The following ESCO1 variants were observed in gnomAD, a reference collection of about 807,000 sequenced individuals.
The protein encoded by ESCO1 is N-acetyltransferase ESCO1.
In ESCO1, 33 loss-of-function variants were observed where a neutral mutation model predicts 83.5. That is an observed-to-expected ratio of 0.40 (90% CI 0.30 to 0.53). ESCO1 has a LOEUF of 0.53. ESCO1 is among the 20% of genes least tolerant of loss of function. The pLI is 0.63. For missense variants in ESCO1, 855 were observed against 968.0 expected (o/e 0.88, Z 1.55); for synonymous variants, 332 against 324.3 (o/e 1.02, Z -0.25).
chr18:21,583,137 G>A (rs1162254670), intron 2 of ESCO1, among the ~76,000 whole-genome samples: 2 of 151,702 alleles, frequency 1.3e-5, no homozygotes, highest in Non-Finnish European at 2.9e-5. Flanking sequence ...AGCCGAAATC[G>A]TGCCACTGTA....
intron 1 of ESCO1, among the ~76,000 whole-genome samples, chr18:21,584,710 T>C (rs2038549664): frequency 6.6e-6 from 1 of 152,006 alleles, no homozygotes; most frequent in Non-Finnish European, 1.5e-5. Context: ...TCCCAGCTAC[T>C]TCGGAGGCTG....
intron 6 of ESCO1, among the ~76,000 whole-genome samples, chr18:21,565,789 T>A (rs2063000): frequency 0.48 from 73,590 of 151,866 alleles, 21,252 homozygotes; most frequent in Non-Finnish European, 0.65. Flanking sequence ...GAATTTTTTT[T>A]AATTATCCAG....
chr18:21,530,507 G>A lies in ESCO1; in HGVS notation c.2376-17C>T, dbSNP rs930101471. ...AAGTTACTCCTATTAAAAAAAAATG[G>A]GGGGGGGGAAGGGTTAAGTGTGAAA... On this transcript the variant is annotated splice_polypyrimidine_tract_variant and intron_variant, in intron 11 of 11. Coordinates refer to ENST00000269214, the MANE Select transcript of ESCO1 (RefSeq NM_052911.3). The A allele has an allele frequency of 8.6e-7, 1 of 1,156,112 alleles. No individual in the cohort carries two copies. The highest frequency in any genetic ancestry group is 1.1e-6 in the Non-Finnish European group (1 of 908,514). 71.6% of individuals were successfully genotyped at this position (1,156,112 alleles called of 1,614,324 possible).
chr18:21,539,981 T>C lies in ESCO1; in HGVS notation c.1982A>G (p.Glu661Gly). The C allele has an allele frequency of 6.2e-7, 1 of 1,613,170 alleles. No homozygotes were observed. The highest frequency in any genetic ancestry group is 8.5e-7 in the Non-Finnish European group (1 of 1,179,698). Residue 661 changes from glutamate (E) to glycine (G), a missense_variant, in exon 9 of 12, where the codon GAA becomes GGA. Transcript: ENST00000269214. Reference protein sequence around the residue: ...VGWKKERILAEYPDGRIIMVL... With the variant: ...VGWKKERILAGYPDGRIIMVL... ...CATTATTATCCTGCCATCAGGGTAT[T>C]CAGCCAGAATTCTTTCTTTCTTCCA...
intron 9 of ESCO1, among the ~76,000 whole-genome samples, chr18:21,539,358 AATT>A (rs1416177234): frequency 1.3e-5 from 2 of 152,140 alleles, no homozygotes; most frequent in Non-Finnish European, 2.9e-5. Context: ...TTGGCACTCA[AATT>A]ATTAACTACT....
intron 8 of ESCO1, 53 bp downstream of exon 8, chr18:21,560,806 G>A: frequency 1.3e-6 from 2 of 1,580,888 alleles, no homozygotes; most frequent in Non-Finnish European, 1.7e-6. Context: ...CTCATTAAGA[G>A]ACCGACCTAA....
intron 9 of ESCO1, among the ~76,000 whole-genome samples, chr18:21,538,726 T>TA (rs1447401904): frequency 6.6e-6 from 1 of 152,126 alleles, no homozygotes; most frequent in Non-Finnish European, 1.5e-5. Context: ...AAAAGTATAA[T>TA]AAACTGTTTT....
intron 11 of ESCO1, among the ~76,000 whole-genome samples, chr18:21,531,929 A>T (rs1047253525): frequency 3.3e-5 from 5 of 150,360 alleles, no homozygotes; most frequent in African/African-American, 4.9e-5. Context: ...GGCTGACCTA[A>T]AAACCTCTTT....
At chr18:21,531,679 T>C (rs893303366) in intron 11 of ESCO1, among the ~76,000 whole-genome samples, 1 of 151,296 alleles carries the variant, frequency 6.6e-6, no homozygotes, top group Non-Finnish European at 1.5e-5. Flanking sequence ...ATTGGCCAGA[T>C]GCAGTGGCTC....
At chr18:21,537,378 TTG>T (rs956313875) in intron 9 of ESCO1, among the ~76,000 whole-genome samples, 2 of 152,040 alleles carry the variant, frequency 1.3e-5, no homozygotes, top group African/African-American at 4.8e-5. Context: ...CTTTACAAAA[TTG>T]TTTTATTAGC....
At chr18:21,551,374 T>C (rs1015022608) in intron 8 of ESCO1, among the ~76,000 whole-genome samples, 13 of 151,754 alleles carry the variant, frequency 8.6e-5, no homozygotes, top group Non-Finnish European at 1.9e-4. Flanking sequence ...GAGCTTGTAG[T>C]GAGCCGAGAT....
chr18:21,557,010 TCTTC>T (rs1397183270), intron 8 of ESCO1, among the ~76,000 whole-genome samples: 2 of 152,232 alleles, frequency 1.3e-5, no homozygotes, highest in Non-Finnish European at 2.9e-5. Context: ...GTCGACTCTT[TCTTC>T]AAAGTTTCTC....
At chr18:21,541,506 T>C (rs947289325) in intron 8 of ESCO1, among the ~76,000 whole-genome samples, 4 of 150,000 alleles carry the variant, frequency 2.7e-5, no homozygotes, top group Admixed American at 6.7e-5. Flanking sequence ...GGCAGGAGAA[T>C]TGCTTGAACT....
chr18:21,530,884 G>A (rs2037759025), intron 11 of ESCO1, among the ~76,000 whole-genome samples: 1 of 152,096 alleles, frequency 6.6e-6, no homozygotes, highest in Non-Finnish European at 1.5e-5. Flanking sequence ...TTGTATTGGA[G>A]GTTCTCGTCA....
chr18:21,578,942 C>A (rs1568109348), intron 2 of ESCO1, among the ~76,000 whole-genome samples: 3 of 152,106 alleles, frequency 2.0e-5, no homozygotes. Flanking sequence ...CTCACTGCAA[C>A]CTCCACCTCC....
At chr18:21,563,930 AAAAAG>A (rs1404321647) in intron 7 of ESCO1, among the ~76,000 whole-genome samples, 1 of 151,280 alleles carries the variant, frequency 6.6e-6, no homozygotes, top group East Asian at 1.9e-4. Context: ...AAAAAAAAAA[AAAAAG>A]AGTCTGGCTT....
chr18:21,563,272 T>C (rs2038213151), intron 7 of ESCO1, among the ~76,000 whole-genome samples: 1 of 152,332 alleles, frequency 6.6e-6, no homozygotes, highest in Admixed American at 6.5e-5. Flanking sequence ...GTATCACAAT[T>C]TGTTATAAAA....
chr18:21,543,809 G>A (rs966215403), intron 8 of ESCO1, among the ~76,000 whole-genome samples: 1 of 151,938 alleles, frequency 6.6e-6, no homozygotes, highest in African/African-American at 2.4e-5. Context: ...GATACTAAAG[G>A]GACATAACAA....
At chr18:21,585,837 C>A (rs942632367) in intron 1 of ESCO1, among the ~76,000 whole-genome samples, 2 of 152,114 alleles carry the variant, frequency 1.3e-5, no homozygotes, top group Non-Finnish European at 1.5e-5. Flanking sequence ...AAGCCATTCT[C>A]CCACCTCGGC....
Sources: gnomAD v4.1 joint callset for allele counts (sites outside exome capture counted in the v4.1 genomes callset) on GRCh38, gnomAD v4.1.1 for gene constraint, MANE v1.5 for transcripts, NCBI Gene and HGNC (gene_info 2026-07-23, HGNC 2026-07-21) for gene names.